The following USP15 variants were observed in gnomAD, a reference collection of about 807,000 sequenced individuals.
USP15 encodes the protein ubiquitin specific peptidase 15, also known as ubiquitin carboxyl-terminal hydrolase 15.
A neutral mutation model predicts 127.1 loss-of-function variants in USP15; 18 were observed. That is an observed-to-expected ratio of 0.14 (90% confidence interval 0.10 to 0.21). USP15 has a LOEUF of 0.21. Ranked by LOEUF, USP15 falls within the 10% of genes least tolerant of loss-of-function variation. The pLI, the probability that USP15 is intolerant of heterozygous loss-of-function variation, is 1.00. For missense variants in USP15, 805 were observed against 1,159.9 expected (o/e 0.69, Z 4.44); for synonymous variants, 364 against 393.7 (o/e 0.92, Z 0.89).
intron 5 of USP15, 46 bp from the exon 6 acceptor site, chr12:62,325,826 C>G (rs769905704): frequency 1.9e-5 from 28 of 1,506,988 alleles, no homozygotes; most frequent in Non-Finnish European, 1.8e-6. Context: ...GTTATTTTAA[C>G]TTCAGAGTTA....
chr12:62,384,680 A>T (rs1296821878), intron 11 of USP15, among the ~76,000 whole-genome samples: 1 of 151,726 alleles, frequency 6.6e-6, no homozygotes, highest in African/African-American at 2.4e-5. Flanking sequence ...AGTAAAGCTA[A>T]TACTTTTAAT....
chr12:62,367,338 TCTC>T (rs1346261970), intron 8 of USP15, among the ~76,000 whole-genome samples: 1 of 152,022 alleles, frequency 6.6e-6, no homozygotes, highest in Admixed American at 6.5e-5. Context: ...TTCATGCCAT[TCTC>T]CTGCCTCAGC....
chr12:62,313,120 G>A (rs1360117640), intron 3 of USP15, among the ~76,000 whole-genome samples: 1 of 151,392 alleles, frequency 6.6e-6, no homozygotes, highest in Non-Finnish European at 1.5e-5. Flanking sequence ...GAAGATTTTA[G>A]CAATGTAAAA....
intron 5 of USP15, among the ~76,000 whole-genome samples, chr12:62,322,699 C>T (rs1475140723): frequency 1.3e-5 from 2 of 152,170 alleles, no homozygotes; most frequent in Non-Finnish European, 2.9e-5. Flanking sequence ...ATGTAAACTT[C>T]ACTGTCTTCC....
chr12:62,333,605 A>G (rs2065369366), intron 6 of USP15, among the ~76,000 whole-genome samples: 1 of 152,094 alleles, frequency 6.6e-6, no homozygotes, highest in East Asian at 1.9e-4. Context: ...ATCTTTTTAA[A>G]AGACATTTTG....
At chr12:62,314,139 T>A in intron 3 of USP15, 1 of 417,112 alleles carries the variant, frequency 2.4e-6, no homozygotes, top group Non-Finnish European at 3.2e-6. Flanking sequence ...AATTGCTGCA[T>A]AGAATTACTA....
rs2066992764 is a variant in USP15 at position 62,381,618 on chromosome 12, A to G, written c.1044A>G (p.Gln348=). ...AATCTTATGCCGAACTGATCAAGCA[A>G]ATGTGGTCTGGAAAGTTTAGCTACG... The part of the protein sequence containing the change: ...IAKSYAELIK[Q]MWSGKFSYVT... Residue 348 remains glutamine, a synonymous_variant, in exon 9 of 22, where the codon CAA becomes CAG. Coordinates refer to ENST00000280377, the MANE Select transcript of USP15 (RefSeq NM_001252078.2). 1 of 1,612,746 alleles carries G rather than the reference A, an allele frequency of 6.2e-7. No individual in the cohort carries two copies. The highest frequency in any genetic ancestry group is 1.7e-4 in the Middle Eastern group (1 of 6,052).
intron 6 of USP15, among the ~76,000 whole-genome samples, chr12:62,339,513 T>C (rs2065583788): frequency 6.6e-6 from 1 of 152,190 alleles, no homozygotes; most frequent in African/African-American, 2.4e-5. Flanking sequence ...CAATATGATA[T>C]TGGCTATGGG....
intron 1 of USP15, among the ~76,000 whole-genome samples, chr12:62,284,750 A>G (rs2063742987): frequency 2.0e-5 from 3 of 152,070 alleles, no homozygotes; most frequent in African/African-American, 7.2e-5. Flanking sequence ...ATTTAAAATC[A>G]TTGTGAACCA....
chr12:62,389,033 G>A (rs1163479572), intron 11 of USP15, among the ~76,000 whole-genome samples: 3 of 151,984 alleles, frequency 2.0e-5, no homozygotes, highest in Non-Finnish European at 4.4e-5. Flanking sequence ...GCTGAATTCG[G>A]AAGATGGCTT....
chr12:62,384,241 A>G lies in USP15; in HGVS notation c.1412A>G (p.Lys471Arg). Residue 471 changes from lysine to arginine, a missense_variant, in exon 11 of 22, where the codon AAA becomes AGA. By Grantham distance (26) the Lys-to-Arg change is conservative. This residue lies in a region of USP15 where 84 missense variants were observed against 210.3 expected (regional missense o/e 0.40). Transcript: ENST00000280377. ...FCYLTLPLPM[K>R]KERTLEVYLV... The stretch of plus-strand genomic sequence containing the variant: ...TACTTGACACTTCCATTGCCCATGA[A>G]AAAAGAACGCACCTTGGAAGTTTAC... The G allele has an allele frequency of 1.2e-6, 2 of 1,612,792 alleles. No individual in the cohort carries two copies. Among genetic ancestry groups the G allele is most frequent in the Non-Finnish European group, 1.7e-6 (2 of 1,179,242 alleles).
intron 6 of USP15, among the ~76,000 whole-genome samples, chr12:62,329,167 T>A (rs1168860919): frequency 6.6e-6 from 1 of 151,574 alleles, no homozygotes; most frequent in African/African-American, 2.4e-5. Flanking sequence ...TGGTCAGGAG[T>A]TCAAGACCAG....
intron 19 of USP15, among the ~76,000 whole-genome samples, chr12:62,394,810 C>G (rs1014096116): frequency 6.6e-6 from 1 of 151,210 alleles, no homozygotes; most frequent in Non-Finnish European, 1.5e-5. Context: ...GATCGCGCCA[C>G]TGCACTCCAG....
chr12:62,372,112 T>A (rs752222656), intron 8 of USP15, among the ~76,000 whole-genome samples: 96 of 152,186 alleles, frequency 6.3e-4, no homozygotes, highest in Middle Eastern at 3.4e-3. Context: ...TTAGAAAAAA[T>A]TATTTACCAG....
chr12:62,351,137 A>T (rs1264762173), intron 7 of USP15, among the ~76,000 whole-genome samples: 1 of 151,992 alleles, frequency 6.6e-6, no homozygotes, highest in Non-Finnish European at 1.5e-5. Context: ...CATTTAAAAC[A>T]TTTACATTCT....
intron 6 of USP15, among the ~76,000 whole-genome samples, chr12:62,334,628 A>G (rs190212096): frequency 2.4e-4 from 36 of 152,294 alleles, no homozygotes; most frequent in Admixed American, 2.1e-3. Flanking sequence ...TAGAATGTTG[A>G]TTAGAAATGG....
intron 2 of USP15, among the ~76,000 whole-genome samples, chr12:62,301,195 G>GC (rs2064307117): frequency 6.6e-6 from 1 of 152,094 alleles, no homozygotes; most frequent in South Asian, 2.1e-4. Flanking sequence ...CCAAGTGTTG[G>GC]CAAGATTGTA....
intron 11 of USP15, among the ~76,000 whole-genome samples, chr12:62,386,803 T>C (rs1036235840): frequency 6.6e-6 from 1 of 152,158 alleles, no homozygotes; most frequent in Admixed American, 6.5e-5. Flanking sequence ...AAGATGATTC[T>C]GGGTAGCACA....
chr12:62,386,809 G>A (rs2067163179), intron 11 of USP15, among the ~76,000 whole-genome samples: 1 of 152,134 alleles, frequency 6.6e-6, no homozygotes, highest in African/African-American at 2.4e-5. Context: ...ATTCTGGGTA[G>A]CACAGAGATC....
Sources: gnomAD v4.1 joint callset for allele counts (sites outside exome capture counted in the v4.1 genomes callset) on GRCh38, gnomAD v4.1.1 for gene constraint, gnomAD v4.1.1 regional missense constraint, MANE v1.5 for transcripts, NCBI Gene and HGNC (gene_info 2026-07-23, HGNC 2026-07-21) for gene names.